The following ADGRL2 variants were observed in gnomAD, a reference collection of about 807,000 sequenced individuals.
ADGRL2 encodes the protein calcium-independent alpha-latrotoxin receptor 2.
In ADGRL2, 44 loss-of-function variants were observed where a neutral mutation model predicts 157.4. The ratio of observed to expected loss-of-function variants is 0.28; its 90% CI spans 0.22 to 0.36. ADGRL2 has a LOEUF of 0.36. Among genes scored for constraint, ADGRL2 ranks in the 10% least tolerant of loss-of-function variants. The probability of loss-of-function intolerance (pLI) is 1.00; values close to 1 mark genes in which losing one functional copy is unlikely to be tolerated. For synonymous variants in ADGRL2, 585 were observed against 624.7 expected (o/e 0.94, Z 0.95); for missense variants, 1,510 against 1,768.9 (o/e 0.85, Z 2.63).
intron 3 of ADGRL2, among the ~76,000 whole-genome samples, chr1:81,662,563 T>A (rs1242753681): frequency 6.8e-6 from 1 of 146,194 alleles, no homozygotes; most frequent in African/African-American, 2.6e-5. Flanking sequence ...CTTTCTTTTT[T>A]TTTCTTTTTG....
intron 3 of ADGRL2, among the ~76,000 whole-genome samples, chr1:81,591,761 A>T (rs1271554464): frequency 6.6e-6 from 1 of 152,138 alleles, no homozygotes; most frequent in Non-Finnish European, 1.5e-5. Flanking sequence ...AATCTGCCCT[A>T]TTGGAGTGCC....
At chr1:81,393,491 A>C (rs563695619) in intron 1 of ADGRL2, among the ~76,000 whole-genome samples, 1 of 152,320 alleles carries the variant, frequency 6.6e-6, no homozygotes, top group African/African-American at 2.4e-5. Context: ...TTGTTCTCTC[A>C]ATAAATCCTG....
chr1:81,804,134 A>C (rs1015453357), intron 1 of ADGRL2, among the ~76,000 whole-genome samples: 1 of 152,208 alleles, frequency 6.6e-6, no homozygotes, highest in Non-Finnish European at 1.5e-5. Context: ...GTACTTTGTA[A>C]CTTTAAATTT....
chr1:81,769,621 T>C (rs1431373409), intron 2 of ADGRL2, among the ~76,000 whole-genome samples: 2 of 151,824 alleles, frequency 1.3e-5, no homozygotes, highest in East Asian at 1.9e-4. Flanking sequence ...TAATAAGTTC[T>C]CTCTTGCTCT....
chr1:81,329,581 A>G (rs1418683272), intron 1 of ADGRL2, among the ~76,000 whole-genome samples: 1 of 152,206 alleles, frequency 6.6e-6, no homozygotes, highest in Non-Finnish European at 1.5e-5. Context: ...TCTGTTAGCT[A>G]AGATCTTTTA....
At chr1:81,501,831 A>G in intron 2 of ADGRL2, 1 of 1,603,750 alleles carries the variant, frequency 6.2e-7, no homozygotes, top group Non-Finnish European at 8.5e-7. Flanking sequence ...CAACAGAAGC[A>G]GCCACACCTG....
chr1:81,816,508 A>G (rs1165964422), intron 1 of ADGRL2, among the ~76,000 whole-genome samples: 2 of 151,890 alleles, frequency 1.3e-5, no homozygotes, highest in Non-Finnish European at 2.9e-5. Context: ...TTTAAAAAAC[A>G]TTTTTCACTA....
chr1:81,605,202 C>T (rs1394969707), intron 3 of ADGRL2, among the ~76,000 whole-genome samples: 1 of 152,134 alleles, frequency 6.6e-6, no homozygotes, highest in African/African-American at 2.4e-5. Context: ...CTGCAAATTC[C>T]TTTGAATCAG....
chr1:81,950,336 C>A lies in ADGRL2; in HGVS notation c.1358C>A (p.Ala453Glu). The A allele has an allele frequency of 6.2e-7, 1 of 1,614,104 alleles. No homozygotes were observed. The highest frequency in any genetic ancestry group is 8.5e-7 in the Non-Finnish European group (1 of 1,179,980). Residue 453 changes from alanine to glutamate, a missense_variant, in exon 7 of 24, where the codon GCA becomes GAA. Physicochemically the swap from Ala to Glu is moderately radical, Grantham distance 107. Around this residue, in one of 4 missense-constraint regions of ADGRL2, gnomAD observed 325 missense variants for 333.2 expected, o/e 0.98. Transcript: ENST00000686636. ...AGCAAAGGGACAAAACCACCTCCAG[C>A]AGTTTCTACAACCAAAATTCCACCT... ...EGSKGTKPPP[A>E]VSTTKIPPIT...
intron 3 of ADGRL2, among the ~76,000 whole-genome samples, chr1:81,929,557 C>T (rs916157250): frequency 2.5e-4 from 38 of 152,244 alleles, no homozygotes; most frequent in Non-Finnish European, 1.0e-4. Context: ...ATCTCGTCTC[C>T]ATACTTTGCA....
intron 2 of ADGRL2, among the ~76,000 whole-genome samples, chr1:81,779,476 C>T (rs1046964011): frequency 6.6e-6 from 1 of 152,132 alleles, no homozygotes; most frequent in Non-Finnish European, 1.5e-5. Context: ...TCATTTCATA[C>T]TAAGGAAAAG....
chr1:81,891,202 A>G (rs909309473), intron 2 of ADGRL2, among the ~76,000 whole-genome samples: 1 of 151,528 alleles, frequency 6.6e-6, no homozygotes, highest in Admixed American at 6.6e-5. Context: ...CTGTATTTAT[A>G]TTATTTAACG....
chr1:81,933,066 T>G (rs1392196921), intron 3 of ADGRL2, among the ~76,000 whole-genome samples: 1 of 152,174 alleles, frequency 6.6e-6, no homozygotes, highest in Non-Finnish European at 1.5e-5. Flanking sequence ...GACCACATTT[T>G]GGAAACTACT....
chr1:81,403,384 C>T (rs761537273), intron 1 of ADGRL2, among the ~76,000 whole-genome samples: 6 of 152,112 alleles, frequency 3.9e-5, no homozygotes, highest in Admixed American at 6.5e-5. Context: ...CATACCTCAA[C>T]CTCCAAAGCA....
chr1:81,539,111 A>G (rs1020825400), intron 2 of ADGRL2, among the ~76,000 whole-genome samples: 2 of 152,104 alleles, frequency 1.3e-5, no homozygotes, highest in African/African-American at 4.8e-5. Context: ...GTGAAACAGA[A>G]TTAGGTGTGC....
intron 9 of ADGRL2, 124 bp from the exon 10 acceptor site, chr1:81,952,863 A>G (rs1406378105): frequency 1.4e-6 from 1 of 712,778 alleles, no homozygotes; most frequent in Non-Finnish European, 2.5e-6. Flanking sequence ...CTCAGACTCC[A>G]GAGGACTACT....
intron 1 of ADGRL2, among the ~76,000 whole-genome samples, chr1:81,725,885 A>C (rs1321398446): frequency 2.0e-5 from 3 of 152,148 alleles, no homozygotes; most frequent in Admixed American, 1.3e-4. Flanking sequence ...TGCGGGGCTG[A>C]GGTGGGAGAA....
rs142415111 is a variant in ADGRL2, at chr1:81,625,012, T to C, written c.-143+44032T>C. ...TCATGACAATAGGAATACCTTGTGC[T>C]GTGTCTTTCTGGGAGAGTTCAAAAC... On this transcript the variant is annotated intron_variant, in intron 3 of 24. Transcript: ENST00000370721. Among the ~76,000 whole-genome samples the C allele has an allele frequency of 4.9e-4, 75 of 152,358 alleles. 1 individual carries two copies. Among genetic ancestry groups the C allele is most frequent in the African/African-American group, 1.6e-3 (67 of 41,578 alleles).
intron 2 of ADGRL2, among the ~76,000 whole-genome samples, chr1:81,577,928 C>A (rs2080828510): frequency 6.6e-6 from 1 of 152,038 alleles, no homozygotes; most frequent in African/African-American, 2.4e-5. Context: ...AGGTGCAAAC[C>A]ATTAGGAAAG....
Sources: gnomAD v4.1 joint callset for allele counts (sites outside exome capture counted in the v4.1 genomes callset) on GRCh38, gnomAD v4.1.1 for gene constraint, gnomAD v4.1.1 regional missense constraint, MANE v1.5 for transcripts, NCBI Gene and HGNC (gene_info 2026-07-23, HGNC 2026-07-21) for gene names.